Variants in CDH13 observed in about 807,000 individuals in gnomAD.
CDH13 encodes cadherin 13.
CDH13 carries 24 observed loss-of-function variants against 63.8 expected under a neutral mutation model. The ratio of observed to expected loss-of-function variants is 0.38; its 90% CI spans 0.27 to 0.53. CDH13 has a LOEUF of 0.53. Among genes scored for constraint, CDH13 ranks in the 20% least tolerant of loss-of-function variants. The pLI, the probability that CDH13 is intolerant of heterozygous loss-of-function variation, is 0.85. For synonymous variants in CDH13, 503 were observed against 355.3 expected (o/e 1.42, Z -4.67); for missense variants, 1,049 against 903.1 (o/e 1.16, Z -2.07).
chr16:83,404,773 T>A (rs2092017487), intron 6 of CDH13, among the ~76,000 whole-genome samples: 1 of 152,204 alleles, frequency 6.6e-6, no homozygotes, highest in South Asian at 2.1e-4. Flanking sequence ...TGTGCTGTGT[T>A]TTGTAGAAGT....
chr16:83,534,756 C>T (rs1334492559), intron 7 of CDH13, among the ~76,000 whole-genome samples: 1 of 152,210 alleles, frequency 6.6e-6, no homozygotes, highest in Non-Finnish European at 1.5e-5. Context: ...TACTTCCTCA[C>T]TATTATGAGC....
intron 2 of CDH13, among the ~76,000 whole-genome samples, chr16:82,863,001 G>C (rs1315242343): frequency 6.6e-6 from 1 of 152,176 alleles, no homozygotes; most frequent in Non-Finnish European, 1.5e-5. Context: ...AAAGTGGCAT[G>C]TATCATTTCT....
chr16:83,494,345 G>A (rs1230068767), intron 7 of CDH13, among the ~76,000 whole-genome samples: 1 of 152,148 alleles, frequency 6.6e-6, no homozygotes, highest in Non-Finnish European at 1.5e-5. Flanking sequence ...TGATTACTAT[G>A]TTAATGCAGG....
Position 82,708,727 on chromosome 16 carries a change from C to T in CDH13, c.45+81590C>T, listed in dbSNP as rs148739408. Among the ~76,000 whole-genome samples, 199 of 152,288 alleles carry T rather than the reference C, an allele frequency of 1.3e-3. 1 individual carries two copies. Among genetic ancestry groups the T allele is most frequent in the African/African-American group, 4.2e-3 (176 of 41,572 alleles). On this transcript the variant is annotated intron_variant, in intron 1 of 13. Transcript: ENST00000567109. ...GAGGGGACTCCGAGTCAGCTGTCTG[C>T]GCTTATCCAATCAGATGACGCTGGG...
At chr16:82,885,468 C>CATCT (rs2040854754) in intron 2 of CDH13, among the ~76,000 whole-genome samples, 1 of 140,282 alleles carries the variant, frequency 7.1e-6, no homozygotes, top group Non-Finnish European at 1.6e-5. Context: ...TCCACCTACC[C>CATCT]ATCCATCCAT....
At chr16:83,565,568 C>A (rs1435207001) in intron 7 of CDH13, among the ~76,000 whole-genome samples, 2 of 151,978 alleles carry the variant, frequency 1.3e-5, no homozygotes, top group African/African-American at 4.8e-5. Flanking sequence ...AAGGACAAGG[C>A]AGTGGAACAT....
At chr16:83,322,451 AT>A (rs2090252053) in intron 5 of CDH13, among the ~76,000 whole-genome samples, 1 of 152,232 alleles carries the variant, frequency 6.6e-6, no homozygotes, top group African/African-American at 2.4e-5. Context: ...TCATTTGTTC[AT>A]TGATTCATTT....
At chr16:83,240,302 G>A (rs993439549) in intron 5 of CDH13, among the ~76,000 whole-genome samples, 1 of 152,050 alleles carries the variant, frequency 6.6e-6, no homozygotes, top group Non-Finnish European at 1.5e-5. Flanking sequence ...TCAGGGCCTT[G>A]GAAACTTTGC....
At chr16:83,286,172 A>C (rs1393862051) in intron 5 of CDH13, among the ~76,000 whole-genome samples, 2 of 152,196 alleles carry the variant, frequency 1.3e-5, no homozygotes, top group Non-Finnish European at 2.9e-5. Context: ...GACTTACCCA[A>C]ACACCTCAAG....
intron 4 of CDH13, among the ~76,000 whole-genome samples, chr16:83,149,617 A>G (rs1274954222): frequency 1.3e-5 from 2 of 152,200 alleles, no homozygotes; most frequent in South Asian, 4.1e-4. Context: ...ATATCACTAA[A>G]CATTCAAAAC....
chr16:83,708,129 A>T (rs909065808), intron 10 of CDH13, among the ~76,000 whole-genome samples: 2 of 152,074 alleles, frequency 1.3e-5, no homozygotes, highest in African/African-American at 2.4e-5. Context: ...CAAGTGCAAG[A>T]CTCACCACCC....
chr16:83,027,522 C>G (rs9921772), intron 2 of CDH13, among the ~76,000 whole-genome samples: 110,174 of 151,996 alleles, frequency 0.72, 40,862 homozygotes, highest in African/African-American at 0.87. Flanking sequence ...GAGGTGTGAG[C>G]TATGCAGTGA....
intron 2 of CDH13, among the ~76,000 whole-genome samples, chr16:82,931,915 A>G (rs12445083): frequency 0.36 from 54,392 of 152,088 alleles, 12,014 homozygotes; most frequent in East Asian, 0.76. Context: ...GCCAAACCAT[A>G]TCACCTTACA....
intron 8 of CDH13, among the ~76,000 whole-genome samples, chr16:83,655,703 T>C (rs1041291209): frequency 3.9e-5 from 6 of 152,202 alleles, no homozygotes; most frequent in African/African-American, 1.2e-4. Flanking sequence ...GGCAGGAATG[T>C]GTGTCTTCTT....
intron 7 of CDH13, among the ~76,000 whole-genome samples, chr16:83,529,000 G>A (rs777326113): frequency 1.3e-5 from 2 of 152,026 alleles, no homozygotes; most frequent in Non-Finnish European, 2.9e-5. Context: ...CTGAAATATA[G>A]TGGATTCAGT....
At chr16:83,163,047 G>T (rs1350419678) in intron 4 of CDH13, among the ~76,000 whole-genome samples, 1 of 151,998 alleles carries the variant, frequency 6.6e-6, no homozygotes. Flanking sequence ...TCTTTCCCAT[G>T]CTGTTCTTGT....
intron 4 of CDH13, among the ~76,000 whole-genome samples, chr16:83,157,738 TAAAAAAAAAA>T (rs58336254): frequency 1.0e-5 from 1 of 99,536 alleles, no homozygotes; most frequent in South Asian, 3.2e-4. Context: ...ACTAGAAATA[TAAAAAAAAAA>T]AAAAAAAAAA....
At chr16:82,636,950 C>G (rs28495382) in intron 1 of CDH13, among the ~76,000 whole-genome samples, 4,516 of 152,280 alleles carry the variant, frequency 0.03, 207 homozygotes, top group African/African-American at 0.1. Context: ...AGCTCACCCC[C>G]TCACTCGTGG....
intron 2 of CDH13, among the ~76,000 whole-genome samples, chr16:82,869,284 G>A (rs948819343): frequency 6.6e-5 from 10 of 152,026 alleles, no homozygotes; most frequent in East Asian, 1.9e-4. Context: ...GGCCTCAAAC[G>A]ATCGTCCTGA....
Sources: allele counts gnomAD v4.1 joint callset (sites outside exome capture counted in the v4.1 genomes callset), GRCh38; gene constraint gnomAD v4.1.1; transcripts MANE v1.5; gene names NCBI Gene and HGNC (gene_info 2026-07-23, HGNC 2026-07-21).